The following DAB1 variants were observed in gnomAD, a reference collection of about 807,000 sequenced individuals.
The protein encoded by DAB1 is DAB adaptor protein 1.
A neutral mutation model predicts 64.6 loss-of-function variants in DAB1; 15 were observed. That is an observed-to-expected ratio of 0.23 (90% CI 0.16 to 0.36). DAB1 has a LOEUF of 0.36. Ranked by LOEUF, DAB1 falls within the 10% of genes least tolerant of loss-of-function variation. The pLI, the probability that DAB1 is intolerant of heterozygous loss-of-function variation, is 1.00. For synonymous variants in DAB1, 235 were observed against 251.9 expected, an observed-to-expected ratio of 0.93 and a Z score of 0.64; for missense variants, 596 against 706.7, an observed-to-expected ratio of 0.84 and a Z score of 1.78.
At chr1:57,976,973 A>T (rs781500219) in intron 5 of DAB1, among the ~76,000 whole-genome samples, 9 of 152,038 alleles carry the variant, frequency 5.9e-5, no homozygotes, top group Non-Finnish European at 1.3e-4. Flanking sequence ...GTCTCCTAAC[A>T]CTCATGAAAT....
intron 5 of DAB1, among the ~76,000 whole-genome samples, chr1:58,108,525 G>A (rs1651797218): frequency 6.6e-6 from 1 of 152,140 alleles, no homozygotes; most frequent in African/African-American, 2.4e-5. Flanking sequence ...TGGTGGCAAA[G>A]TTATTTTCTT....
At chr1:57,454,292 G>T (rs1203151820) in intron 7 of DAB1, among the ~76,000 whole-genome samples, 1 of 151,902 alleles carries the variant, frequency 6.6e-6, no homozygotes, top group Non-Finnish European at 1.5e-5. Context: ...AAGAAAATAT[G>T]GTACATATAT....
intron 6 of DAB1, among the ~76,000 whole-genome samples, chr1:57,781,126 C>CTCTCTCTATATATATA (rs1557477160): frequency 3.6e-5 from 1 of 27,714 alleles, no homozygotes; most frequent in Non-Finnish European, 6.4e-5. Flanking sequence ...CTCTCTCTCT[C>CTCTCTCTATATATATA]TATATATATA....
intron 3 of DAB1, among the ~76,000 whole-genome samples, chr1:58,404,956 G>C (rs990613497): frequency 6.6e-6 from 1 of 152,090 alleles, no homozygotes; most frequent in South Asian, 2.1e-4. Context: ...TGGTGGTCCC[G>C]GCTGTGCCCT....
chr1:58,394,075 A>C (rs1332678441), intron 3 of DAB1, among the ~76,000 whole-genome samples: 1 of 152,214 alleles, frequency 6.6e-6, no homozygotes, highest in East Asian at 1.9e-4. Context: ...AACCAACCTG[A>C]TAAAAATGGA....
intron 2 of DAB1, among the ~76,000 whole-genome samples, chr1:57,203,213 A>C (rs1470174058): frequency 6.6e-6 from 1 of 152,154 alleles, no homozygotes; most frequent in Non-Finnish European, 1.5e-5. Context: ...GGACAATCTA[A>C]CAGAAAGATC....
intron 5 of DAB1, among the ~76,000 whole-genome samples, chr1:58,090,224 C>G (rs1014986104): frequency 6.6e-6 from 1 of 150,566 alleles, no homozygotes; most frequent in African/African-American, 2.5e-5. Context: ...AGGAAAAAAT[C>G]CATTTAAACA....
chr1:57,379,224 A>G (rs1194786076), intron 1 of DAB1, among the ~76,000 whole-genome samples: 1 of 152,198 alleles, frequency 6.6e-6, no homozygotes, highest in Non-Finnish European at 1.5e-5. Context: ...GTGAGATCAC[A>G]TAGGTCTCCA....
chr1:57,196,521 C>T (rs1174775300), intron 2 of DAB1, among the ~76,000 whole-genome samples: 2 of 152,190 alleles, frequency 1.3e-5, no homozygotes, highest in Non-Finnish European at 2.9e-5. Context: ...GCATAATAGG[C>T]TTTGGCTAAA....
chr1:57,958,171 T>C (rs1645436099), intron 5 of DAB1, among the ~76,000 whole-genome samples: 1 of 152,046 alleles, frequency 6.6e-6, no homozygotes, highest in South Asian at 2.1e-4. Flanking sequence ...AGAGACGGGG[T>C]TTCACCATGT....
chr1:57,306,288 C>G (rs1674163457), intron 1 of DAB1, among the ~76,000 whole-genome samples: 1 of 152,126 alleles, frequency 6.6e-6, no homozygotes, highest in Non-Finnish European at 1.5e-5. Flanking sequence ...TATATCTTGC[C>G]CTTCAATGAG....
chr1:57,131,750 T>C (rs1207767424), intron 4 of DAB1, among the ~76,000 whole-genome samples: 1 of 152,178 alleles, frequency 6.6e-6, no homozygotes, highest in East Asian at 1.9e-4. Flanking sequence ...CAATTATCTA[T>C]CTATTTTGAG....
At chr1:58,029,119 T>C (rs1258863546) in intron 5 of DAB1, among the ~76,000 whole-genome samples, 1 of 152,150 alleles carries the variant, frequency 6.6e-6, no homozygotes, top group Admixed American at 6.6e-5. Flanking sequence ...TAAGACCAAC[T>C]ATAATGAACT....
intron 5 of DAB1, among the ~76,000 whole-genome samples, chr1:58,008,607 T>G (rs963959981): frequency 3.3e-5 from 5 of 152,118 alleles, no homozygotes; most frequent in Non-Finnish European, 5.9e-5. Context: ...TAAAGCTAGA[T>G]AAAAACAAGG....
intron 3 of DAB1, among the ~76,000 whole-genome samples, chr1:58,425,638 A>G (rs724564): frequency 0.21 from 31,312 of 152,036 alleles, 4,581 homozygotes; most frequent in African/African-American, 0.41. Flanking sequence ...CAGAATCAGA[A>G]TAATCCTTAG....
chr1:58,328,148 A>T (rs1288809076), intron 4 of DAB1, among the ~76,000 whole-genome samples: 1 of 152,150 alleles, frequency 6.6e-6, no homozygotes, highest in Non-Finnish European at 1.5e-5. Context: ...CTTCTGCCCA[A>T]CCCTGCTTCC....
intron 4 of DAB1, among the ~76,000 whole-genome samples, chr1:58,196,448 T>C (rs185448980): frequency 4.0e-4 from 61 of 152,310 alleles, no homozygotes; most frequent in Non-Finnish European, 7.9e-4. Context: ...ATACTTCTGG[T>C]GACAGTATGG....
At chr1:58,524,995 G>C (rs529581132) in intron 2 of DAB1, among the ~76,000 whole-genome samples, 1 of 152,260 alleles carries the variant, frequency 6.6e-6, no homozygotes, top group Middle Eastern at 3.4e-3. Context: ...AAAACTATAA[G>C]AGTAGTACCA....
intron 2 of DAB1, among the ~76,000 whole-genome samples, chr1:57,217,363 G>A (rs932128318): frequency 5.3e-5 from 8 of 152,124 alleles, no homozygotes; most frequent in African/African-American, 1.9e-4. Context: ...TGGGGCCTGA[G>A]GGAAAGTCAG....
Sources: allele counts gnomAD v4.1 joint callset (sites outside exome capture counted in the v4.1 genomes callset), GRCh38; gene constraint gnomAD v4.1.1; transcripts MANE v1.5; gene names NCBI Gene and HGNC (gene_info 2026-07-23, HGNC 2026-07-21).